The following CACNA2D3 variants were observed in gnomAD, a reference collection of about 807,000 sequenced individuals.
The protein encoded by CACNA2D3 is voltage-dependent calcium channel subunit alpha-2/delta-3.
CACNA2D3 carries 60 observed loss-of-function variants against 160.6 expected under a neutral mutation model. That is an observed-to-expected ratio of 0.37 (90% CI 0.30 to 0.46). The LOEUF is 0.46. CACNA2D3 is among the 20% of genes least tolerant of loss of function. The probability of loss-of-function intolerance (pLI) is 1.00; values close to 1 mark genes in which losing one functional copy is unlikely to be tolerated. For synonymous variants in CACNA2D3, 558 were observed against 492.9 expected (o/e 1.13, Z -1.75); for missense variants, 1,205 against 1,365.0 (o/e 0.88, Z 1.85).
At chr3:54,801,265 G>A (rs1447406820) in intron 13 of CACNA2D3, among the ~76,000 whole-genome samples, 1 of 152,174 alleles carries the variant, frequency 6.6e-6, no homozygotes. Context: ...TGGGATTACA[G>A]GGGTGAGCCA....
At chr3:54,896,681 G>A (rs1041587128) in intron 25 of CACNA2D3, 68 bp from the exon 26 acceptor site, 17 of 1,598,024 alleles carry the variant, frequency 1.1e-5, no homozygotes, top group Admixed American at 1.0e-4. Context: ...GAAGGCTGTC[G>A]GGGTGCTCCA....
intron 4 of CACNA2D3, 64 bp downstream of exon 4, chr3:54,386,838 T>A: frequency 7.1e-7 from 1 of 1,408,122 alleles, no homozygotes; most frequent in Non-Finnish European, 9.8e-7. Flanking sequence ...AAGTACCAGG[T>A]ATACCAGGAA....
At chr3:54,763,669 G>GTGTGTGTA (rs1491005276) in intron 12 of CACNA2D3, among the ~76,000 whole-genome samples, 1 of 128,512 alleles carries the variant, frequency 7.8e-6, no homozygotes, top group African/African-American at 2.8e-5. Context: ...GTGTGTGTGT[G>GTGTGTGTA]TATATATGTA....
chr3:54,359,048 A>G (rs1698698720), intron 3 of CACNA2D3, among the ~76,000 whole-genome samples: 1 of 152,116 alleles, frequency 6.6e-6, no homozygotes, highest in Non-Finnish European at 1.5e-5. Flanking sequence ...GAGGTAGTAT[A>G]TTTAGTATTT....
At position 54,199,686 on chromosome 3, in the gene CACNA2D3, G is replaced by C. The variant is rs1044564822; in HGVS notation, c.204+76092G>C. Among the ~76,000 whole-genome samples the C allele has an allele frequency of 1.2e-4, 19 of 152,188 alleles. No individual in the cohort carries two copies. The South Asian group carries it at 2.3e-3, about 18-fold the overall frequency. On this transcript the variant is annotated intron_variant, in intron 2 of 37. Coordinates refer to ENST00000474759, the MANE Select transcript of CACNA2D3 (RefSeq NM_018398.3). Reference sequence around the variant, plus strand: ...CAGAGGCCCTTAATGGTCATTGAAAGAACATTTATCCAAGTGCAGCACATG... The same window carrying C: ...CAGAGGCCCTTAATGGTCATTGAAACAACATTTATCCAAGTGCAGCACATG...
At chr3:54,516,413 C>T (rs1004149331) in intron 5 of CACNA2D3, among the ~76,000 whole-genome samples, 3 of 152,102 alleles carry the variant, frequency 2.0e-5, no homozygotes, top group African/African-American at 7.2e-5. Context: ...TTTTTCCACC[C>T]TCACTTCACG....
In CACNA2D3 at chr3:54,804,221, T is replaced by C. The variant is rs553496057; in HGVS notation, c.1381-12632T>C. 1.6e-3 allele frequency among the ~76,000 whole-genome samples: 236 copies of C among 151,898 alleles called. 1 individual carries two copies. The highest frequency in any genetic ancestry group is 5.2e-3 in the African/African-American group (214 of 41,406). On this transcript the variant is annotated intron_variant, in intron 13 of 37. Transcript: ENST00000474759. ...CACATAACAATATTAACTTTAAATG[T>C]AAATGGACTAAATGCTCCAATTAAA...
chr3:54,684,842 G>A (rs748796114), intron 11 of CACNA2D3, among the ~76,000 whole-genome samples: 11 of 152,166 alleles, frequency 7.2e-5, no homozygotes, highest in Non-Finnish European at 1.3e-4. Context: ...AGGGTTGGCT[G>A]GGCTGGCTGG....
In CACNA2D3 at chr3:54,635,506, T is replaced by G. The variant is rs569498570; in HGVS notation, c.1054-6622T>G. 1.4e-3 allele frequency among the ~76,000 whole-genome samples: 209 copies of G among 152,046 alleles called. 1 individual carries two copies. Among genetic ancestry groups the G allele is most frequent in the African/African-American group, 4.7e-3 (194 of 41,366 alleles). ...AAATAGTAGGGATGACAAGTTTTTT[T>G]GGGGGCACAGTCTAAGTTGGTCCGG... On this transcript the variant is annotated intron_variant, in intron 10 of 37. Coordinates refer to ENST00000474759, the MANE Select transcript of CACNA2D3 (RefSeq NM_018398.3).
rs1403677920 is a variant in CACNA2D3, at chr3:54,805,722, C to T, written c.1381-11131C>T. 5.9e-5 allele frequency among the ~76,000 whole-genome samples: 9 copies of T among 152,260 alleles called. No homozygotes were observed. The South Asian group carries it at 8.3e-4, about 14-fold the overall frequency. On this transcript the variant is annotated intron_variant, in intron 13 of 37. Transcript: ENST00000474759. The stretch of plus-strand genomic sequence containing the variant: ...TTTTATGAGGCCAGCATCATCCTGA[C>T]ACCAAAGCCGGGCAGAGACACAACC...
intron 27 of CACNA2D3, among the ~76,000 whole-genome samples, chr3:54,960,922 A>C (rs1357689642): frequency 6.6e-6 from 1 of 152,228 alleles, no homozygotes; most frequent in Non-Finnish European, 1.5e-5. Flanking sequence ...ATGGGCTCAC[A>C]TTTGATGTAA....
At chr3:54,315,263 T>C (rs747811581) in intron 2 of CACNA2D3, among the ~76,000 whole-genome samples, 27 of 152,174 alleles carry the variant, frequency 1.8e-4, no homozygotes, top group Non-Finnish European at 3.5e-4. Flanking sequence ...TTGACAGCTG[T>C]GTCTACTCCC....
At chr3:54,662,288 T>C (rs1443578804) in intron 11 of CACNA2D3, among the ~76,000 whole-genome samples, 3 of 152,198 alleles carry the variant, frequency 2.0e-5, no homozygotes, top group South Asian at 4.2e-4. Context: ...ACTCAAACTT[T>C]CATGGATGGA....
intron 2 of CACNA2D3, among the ~76,000 whole-genome samples, chr3:54,266,039 G>C (rs903291317): frequency 6.6e-6 from 1 of 152,134 alleles, no homozygotes; most frequent in Non-Finnish European, 1.5e-5. Flanking sequence ...AAAAATATGG[G>C]CCAATTTTTT....
At chr3:54,304,276 C>T (rs916114425) in intron 2 of CACNA2D3, among the ~76,000 whole-genome samples, 1 of 152,208 alleles carries the variant, frequency 6.6e-6, no homozygotes, top group East Asian at 1.9e-4. Context: ...CCTGGAGAAG[C>T]CTATTGTTTT....
intron 11 of CACNA2D3, among the ~76,000 whole-genome samples, chr3:54,700,324 C>G (rs1372338829): frequency 1.3e-5 from 2 of 152,122 alleles, no homozygotes; most frequent in Non-Finnish European, 2.9e-5. Context: ...GTCTATTTTC[C>G]TCATATTCCA....
intron 27 of CACNA2D3, among the ~76,000 whole-genome samples, chr3:54,959,893 C>A (rs1223891550): frequency 6.6e-6 from 1 of 152,092 alleles, no homozygotes; most frequent in Non-Finnish European, 1.5e-5. Context: ...CAGATGAAGT[C>A]TGGAAAAATG....
At chr3:54,609,168 A>G (rs1353761362) in intron 9 of CACNA2D3, among the ~76,000 whole-genome samples, 1 of 152,200 alleles carries the variant, frequency 6.6e-6, no homozygotes, top group East Asian at 1.9e-4. Flanking sequence ...CTTATTAGAA[A>G]AAGAGGCATC....
intron 2 of CACNA2D3, 51 bp from the exon 3 acceptor site, chr3:54,320,391 G>C (rs979692071): frequency 1.2e-5 from 10 of 842,910 alleles, no homozygotes; most frequent in African/African-American, 1.7e-5. Context: ...AATCACAGCT[G>C]TGGTGTTTTA....
Sources: gnomAD v4.1 joint callset for allele counts (sites outside exome capture counted in the v4.1 genomes callset) on GRCh38, gnomAD v4.1.1 for gene constraint, MANE v1.5 for transcripts, NCBI Gene and HGNC (gene_info 2026-07-23, HGNC 2026-07-21) for gene names.